Variants in KHNYN observed in about 807,000 individuals in gnomAD.
KHNYN encodes protein KHNYN.
A neutral mutation model predicts 62.7 loss-of-function variants in KHNYN; 42 were observed. The observed-to-expected ratio is 0.67, with a 90% CI of 0.52 to 0.87. The LOEUF (loss-of-function observed/expected upper bound fraction) is 0.87, where lower values mean the gene tolerates loss of function less well. Ranked by LOEUF, KHNYN falls within the 40% of genes least tolerant of loss-of-function variation. The pLI, the probability that KHNYN is intolerant of heterozygous loss-of-function variation, is 0.00. For missense variants in KHNYN, 829 were observed against 874.1 expected (o/e 0.95, Z 0.65); for synonymous variants, 347 against 345.6 (o/e 1.00, Z -0.04).
intron 7 of KHNYN, 73 bp downstream of exon 7, chr14:24,436,562 G>C (rs2043208261): frequency 8.8e-7 from 1 of 1,131,134 alleles, no homozygotes; most frequent in Admixed American, 2.5e-5. Flanking sequence ...AGAGACTTGG[G>C]TGGAAGTGTG....
chr14:24,431,656 A>T lies in KHNYN; in HGVS notation c.395A>T (p.Gln132Leu), dbSNP rs767555639. The change falls in exon 3 of 8, where the codon CAG becomes CTG. Residue 132 changes from glutamine (Q) to leucine (L), a missense_variant. Physicochemically the swap from Gln to Leu is moderately radical, Grantham distance 113 (BLOSUM62 -2). This residue lies in a region of KHNYN where 559 missense variants were observed against 527.0 expected (regional missense o/e 1.06). Transcript: ENST00000553935. ...SGLTEAFVMAQSRVEELAERL... is the reference protein window; with the variant it reads ...SGLTEAFVMALSRVEELAERL... ...CTGACTGAAGCCTTTGTCATGGCTC[A>T]GAGCCGGGTAGAAGAGCTGGCAGAG... The T allele has an allele frequency of 6.2e-7, 1 of 1,613,996 alleles. No individual in the cohort carries two copies. Among genetic ancestry groups the T allele is most frequent in the Admixed American group, 1.7e-5 (1 of 60,008 alleles).
In KHNYN at chr14:24,436,078, G is replaced by C; in HGVS notation, c.1584G>C (p.Met528Ile). The C allele has an allele frequency of 6.2e-7, 1 of 1,613,940 alleles. No individual in the cohort carries two copies. Among genetic ancestry groups the C allele is most frequent in the Non-Finnish European group, 8.5e-7 (1 of 1,179,866 alleles). Residue 528 changes from methionine to isoleucine, a missense_variant, in exon 6 of 8, where the codon ATG (methionine) becomes ATC (isoleucine). Physicochemically the swap from Met to Ile is conservative, Grantham distance 10. This residue lies in a region of KHNYN where 270 missense variants were observed against 347.1 expected (regional missense o/e 0.78). Coordinates refer to ENST00000553935, the MANE Select transcript of KHNYN (RefSeq NM_015299.3). ...GCTGTGGTTTTGGAGACAGGTTCAT[G>C]GTGAAGCTGGCTGAAGAGACAGATG... ...KRISSYDDRF[M>I]VKLAEETDGI...
At chr14:24,427,640 A>T, upstream of KHNYN, 1 of 762,028 alleles carries the variant, frequency 1.3e-6, no homozygotes, top group Non-Finnish European at 2.2e-6. This position sits in a 1 kb window ranked among gnomAD's most constrained non-coding sequence, Gnocchi z 4.4. Flanking sequence ...CTCTTCTCTT[A>T]AACTTGGGTG....
chr14:24,425,063 T>A (rs2043006727), upstream of KHNYN, among the ~76,000 whole-genome samples: 1 of 152,050 alleles, frequency 6.6e-6, no homozygotes, highest in Non-Finnish European at 1.5e-5. Context: ...TAGCTGGGTG[T>A]GGTGGCTCGC....
upstream of KHNYN, among the ~76,000 whole-genome samples, chr14:24,426,269 A>C (rs986964583): frequency 3.3e-5 from 5 of 152,210 alleles, no homozygotes; most frequent in African/African-American, 1.2e-4. Context: ...ACATTTAAAA[A>C]GTATCTTTGC....
At position 24,441,782 on chromosome 14, in the gene KHNYN, A is replaced by T; in HGVS notation, c.*4497A>T. On this transcript the variant is annotated 3_prime_UTR_variant, in exon 8 of 8. Transcript: ENST00000553935. The stretch of plus-strand genomic sequence containing the variant: ...CGGCTGCCGATTACCTCTTTTTGGA[A>T]GGTTTCATTCCATCTGCAGGAGAAA... 3.1e-6 allele frequency: 5 copies of T among 1,605,256 alleles called. No individual in the cohort carries two copies. Among genetic ancestry groups the T allele is most frequent in the Non-Finnish European group, 4.2e-6 (5 of 1,177,082 alleles).
Position 24,440,757 on chromosome 14 carries a change from G to T in KHNYN, c.*3472G>T. On this transcript the variant is annotated 3_prime_UTR_variant, in exon 8 of 8. Transcript: ENST00000553935. ...AGCCCAGAGAAGACATTCCAACCCTGTCTGATACCCAGGCCCGTTTCTCAC... is the reference window on the plus strand; with the variant it reads ...AGCCCAGAGAAGACATTCCAACCCTTTCTGATACCCAGGCCCGTTTCTCAC... 1 of 1,612,040 alleles carries T rather than the reference G, an allele frequency of 6.2e-7. No individual in the cohort carries two copies. Among genetic ancestry groups the T allele is most frequent in the Non-Finnish European group, 8.5e-7 (1 of 1,178,728 alleles).
Position 24,439,112 on chromosome 14 carries a change from CTG to C in KHNYN, c.*1831_*1832del, listed in dbSNP as rs1398705683. ...TGGCCTGAACTGGTGGCTGGGGGAA[CTG>C]TGTCTGGTCAAGTTATGGCAGATGT... On this transcript the variant is annotated 3_prime_UTR_variant, in exon 8 of 8. Coordinates refer to ENST00000553935, the MANE Select transcript of KHNYN (RefSeq NM_015299.3). 2 of 152,122 alleles carry C rather than the reference CTG, an allele frequency of 1.3e-5. No individual in the cohort carries two copies. Among genetic ancestry groups the C allele is most frequent in the East Asian group, 1.9e-4 (1 of 5,190 alleles). 9.4% of individuals were successfully genotyped at this position (152,122 alleles called of 1,614,324 possible).
rs1284844571 is a variant in KHNYN, at chr14:24,437,339, A to G, written c.*54A>G. ...TGTCAGCTCCAGCCGCCTCCAGCTC[A>G]GCCCTTTCTGTGAGAGTCCCTCTGC... On this transcript the variant is annotated 3_prime_UTR_variant, in exon 8 of 8. Transcript: ENST00000553935. The surrounding 1 kb of genome is among the most constrained non-coding windows in gnomAD (Gnocchi z 5.5). 1 of 1,568,644 alleles carries G rather than the reference A, an allele frequency of 6.4e-7. No individual in the cohort carries two copies. Among genetic ancestry groups the G allele is most frequent in the African/African-American group, 1.4e-5 (1 of 73,914 alleles).
chr14:24,440,298 C>G lies in KHNYN; in HGVS notation c.*3013C>G, dbSNP rs746657395. 1 of 1,613,800 alleles carries G rather than the reference C, an allele frequency of 6.2e-7. No homozygotes were observed. Among genetic ancestry groups the G allele is most frequent in the Admixed American group, 1.7e-5 (1 of 59,998 alleles). ...GTCTGGGCAAACTCAGCATTAGTGG[C>G]GGAGGATGGAGCCACTCCATTCAGG... On this transcript the variant is annotated 3_prime_UTR_variant, in exon 8 of 8. Coordinates refer to ENST00000553935, the MANE Select transcript of KHNYN (RefSeq NM_015299.3).
chr14:24,428,299 C>T (rs374246081), upstream of KHNYN: 25 of 1,613,642 alleles, frequency 1.5e-5, no homozygotes, highest in African/African-American at 6.7e-5. Context: ...GACAGTTTGG[C>T]GGTTGTACAC....
In KHNYN at chr14:24,431,457, A is replaced by G; in HGVS notation, c.202-6A>G. On this transcript the variant is annotated splice_polypyrimidine_tract_variant and splice_region_variant and intron_variant, in intron 2 of 7. Coordinates refer to ENST00000553935, the MANE Select transcript of KHNYN (RefSeq NM_015299.3). ...CTTTTCCTGACCTTCCCTTCCTCCC[A>G]ACCAGGAGTACCTGAAGGGCCTCTG... 1 of 1,552,330 alleles carries G rather than the reference A, an allele frequency of 6.4e-7. No homozygotes were observed. Among genetic ancestry groups the G allele is most frequent in the Non-Finnish European group, 8.7e-7 (1 of 1,144,716 alleles).
upstream of KHNYN, chr14:24,427,982 C>T: frequency 6.2e-7 from 1 of 1,613,100 alleles, no homozygotes; most frequent in South Asian, 1.1e-5. The surrounding 1 kb of genome is among the most constrained non-coding windows in gnomAD (Gnocchi z 4.4). Context: ...CAGCATCAGG[C>T]TCACCTGGGG....
At chr14:24,428,748 G>A, upstream of KHNYN, 1 of 1,575,688 alleles carries the variant, frequency 6.3e-7, no homozygotes, top group South Asian at 1.2e-5. Flanking sequence ...AGGGGTAGGG[G>A]GATTACCTGG....
chr14:24,427,941 T>A, upstream of KHNYN: 1 of 1,613,780 alleles, frequency 6.2e-7, no homozygotes, highest in Non-Finnish European at 8.5e-7. This position sits in a 1 kb window ranked among gnomAD's most constrained non-coding sequence, Gnocchi z 4.4. Context: ...TCAGGATCAT[T>A]GGCAAAGGCT....
chr14:24,429,081 T>G (rs1472767136), upstream of KHNYN: 3 of 1,465,422 alleles, frequency 2.0e-6, no homozygotes, highest in East Asian at 5.0e-5. Context: ...AACCCACAAG[T>G]GCCCCGGTCT....
chr14:24,436,918 T>C, intron 7 of KHNYN, 118 bp from the exon 8 acceptor site: 1 of 1,366,234 alleles, frequency 7.3e-7, no homozygotes, highest in South Asian at 1.4e-5. Flanking sequence ...CTTCAGGAAC[T>C]TCAGGATTTC....
upstream of KHNYN, chr14:24,427,998 A>G (rs2043038123): frequency 4.3e-6 from 7 of 1,609,628 alleles, no homozygotes; most frequent in Non-Finnish European, 5.1e-6. The surrounding 1 kb of genome is among the most constrained non-coding windows in gnomAD (Gnocchi z 4.4). Flanking sequence ...TGGGGAGGGG[A>G]GCCCAGTTAG....
chr14:24,427,954 G>C (rs1355155368), upstream of KHNYN: 2 of 1,613,754 alleles, frequency 1.2e-6, no homozygotes, highest in South Asian at 2.2e-5. The surrounding 1 kb of genome is among the most constrained non-coding windows in gnomAD (Gnocchi z 4.4). Context: ...CAAAGGCTGA[G>C]ATGACAGGCC....
Sources: gnomAD v4.1 joint callset for allele counts (sites outside exome capture counted in the v4.1 genomes callset) on GRCh38, gnomAD v4.1.1 for gene constraint, gnomAD v4.1.1 regional missense constraint, Gnocchi (gnomAD v3.1) non-coding constraint, MANE v1.5 for transcripts, NCBI Gene and HGNC (gene_info 2026-07-23, HGNC 2026-07-21) for gene names.